The following LRP1B variants were observed in gnomAD, a reference collection of about 807,000 sequenced individuals.
LRP1B encodes the protein low-density lipoprotein receptor-related protein 1B.
Under a neutral mutation model 556.6 loss-of-function variants are expected in LRP1B, and 217 were observed. The observed-to-expected ratio is 0.39, with a 90% confidence interval of 0.35 to 0.44. The LOEUF (loss-of-function observed/expected upper bound fraction) is 0.44, where lower values mean the gene tolerates loss of function less well. Ranked by LOEUF, LRP1B falls within the 20% of genes least tolerant of loss-of-function variation. The pLI, the probability that LRP1B is intolerant of heterozygous loss-of-function variation, is 1.00. For missense variants in LRP1B, 5,053 were observed against 5,620.8 expected (o/e 0.90, Z 3.23); for synonymous variants, 2,047 against 1,865.8 (o/e 1.10, Z -2.50).
intron 3 of LRP1B, among the ~76,000 whole-genome samples, chr2:141,441,329 C>T (rs1320307321): frequency 4.6e-5 from 7 of 152,046 alleles, no homozygotes; most frequent in Admixed American, 3.3e-4. Context: ...CCACCCATCT[C>T]GGCCTCCCAA....
intron 86 of LRP1B, among the ~76,000 whole-genome samples, chr2:140,249,823 T>C (rs1681327586): frequency 6.6e-6 from 1 of 151,876 alleles, no homozygotes; most frequent in African/African-American, 2.4e-5. Context: ...GGTATTTTTG[T>C]CATCTTTATA....
rs149865018 is a variant in LRP1B, at chr2:141,836,922, G to A, written c.83-26521C>T. Among the ~76,000 whole-genome samples, 75 of 151,920 alleles carry A rather than the reference G, an allele frequency of 4.9e-4. No individual in the cohort carries two copies. In the Middle Eastern group the frequency reaches 0.014, roughly 28 times the overall value. ...TTTTTTTTCTAATTGGAACATTTAA[G>A]GATATAATTTGTACTTTGTGATTTT... is the stretch of plus-strand genomic sequence containing the variant. On this transcript the variant is annotated intron_variant, in intron 1 of 90. Coordinates refer to ENST00000389484, the MANE Select transcript of LRP1B (RefSeq NM_018557.3).
rs1008721584 is a variant in LRP1B, at chr2:141,741,034, G to A, written c.205+69245C>T. The stretch of plus-strand genomic sequence containing the variant: ...GAAAATGTGAAGCTTGTCTTTTTGC[G>A]CCTGCCTTATTTCACTTAACCTAAT... On this transcript the variant is annotated intron_variant, in intron 2 of 90. Coordinates refer to ENST00000389484, the MANE Select transcript of LRP1B (RefSeq NM_018557.3). Among the ~76,000 whole-genome samples, 19 of 152,062 alleles carry A rather than the reference G, an allele frequency of 1.2e-4. No individual in the cohort carries two copies. The East Asian group carries it at 2.1e-3, about 17-fold the overall frequency.
chr2:141,185,162 T>C (rs1027285070), intron 7 of LRP1B, among the ~76,000 whole-genome samples: 1 of 152,108 alleles, frequency 6.6e-6, no homozygotes, highest in Non-Finnish European at 1.5e-5. Flanking sequence ...TTTAATTCTT[T>C]CAACAGCCCT....
At chr2:140,746,034 AAATGAGG>A (rs58899001) in intron 35 of LRP1B, among the ~76,000 whole-genome samples, 53,310 of 151,580 alleles carry the variant, frequency 0.35, 9,453 homozygotes, top group South Asian at 0.49. Flanking sequence ...CAAATCCTTA[AAATGAGG>A]AATGAGGATG....
chr2:140,566,172 A>G (rs983366033), intron 43 of LRP1B, among the ~76,000 whole-genome samples: 2 of 152,150 alleles, frequency 1.3e-5, no homozygotes, highest in Non-Finnish European at 2.9e-5. Flanking sequence ...GTGTCCTGAC[A>G]TTCCCAAGCC....
intron 2 of LRP1B, among the ~76,000 whole-genome samples, chr2:141,613,423 C>T (rs751457888): frequency 4.2e-4 from 64 of 152,074 alleles, no homozygotes; most frequent in Non-Finnish European, 8.1e-4. Flanking sequence ...ATTTTCACAC[C>T]GCCACATGAA....
rs147347638 is a variant in LRP1B at position 141,188,518 on chromosome 2, G to A, written c.916C>T (p.Arg306Trp). The change falls in exon 7 of 91, where the codon CGG becomes TGG. Residue 306 changes from arginine to tryptophan, a missense_variant. This residue lies in a region of LRP1B where 3,619 missense variants were observed against 3,931.9 expected (regional missense o/e 0.92). Coordinates refer to ENST00000389484, the MANE Select transcript of LRP1B (RefSeq NM_018557.3). Reference sequence around the variant, plus strand: ...CCGTTGGAATTACAAACAAAGATCCGGTCACCGACATGGTCCACAAAATAG... The same window carrying A: ...CCGTTGGAATTACAAACAAAGATCCAGTCACCGACATGGTCCACAAAATAG... ...NLYFVDHVGDRIFVCNSNGSV... is the reference protein window; with the variant it reads ...NLYFVDHVGDWIFVCNSNGSV... 3.3e-5 allele frequency: 53 copies of A among 1,612,500 alleles called. No individual in the cohort carries two copies. Among genetic ancestry groups the A allele is most frequent in the East Asian group, 1.3e-4 (6 of 44,778 alleles).
chr2:141,980,699 C>A (rs957371700), intron 1 of LRP1B, among the ~76,000 whole-genome samples: 3 of 152,126 alleles, frequency 2.0e-5, no homozygotes, highest in African/African-American at 7.2e-5. Flanking sequence ...TTTCCCTGCA[C>A]TGTCCAATGT....
At chr2:140,922,234 A>G (rs1694756040) in intron 21 of LRP1B, among the ~76,000 whole-genome samples, 1 of 151,996 alleles carries the variant, frequency 6.6e-6, no homozygotes, top group African/African-American at 2.4e-5. Flanking sequence ...AGTAGAATAT[A>G]AGACATTCTA....
At chr2:140,854,012 C>G (rs1692537430) in intron 27 of LRP1B, among the ~76,000 whole-genome samples, 1 of 147,174 alleles carries the variant, frequency 6.8e-6, no homozygotes, top group African/African-American at 2.5e-5. Context: ...TCAAGTTTAC[C>G]TAGTCAGGTA....
intron 3 of LRP1B, among the ~76,000 whole-genome samples, chr2:141,279,915 A>G (rs900105557): frequency 6.6e-5 from 10 of 152,074 alleles, no homozygotes; most frequent in African/African-American, 2.4e-4. Context: ...ATAGAAAATC[A>G]GTTTCCATTA....
intron 60 of LRP1B, among the ~76,000 whole-genome samples, chr2:140,461,159 T>C (rs142738327): frequency 1.7e-3 from 257 of 152,214 alleles, no homozygotes; most frequent in Admixed American, 3.1e-3. Context: ...ACAGCTTGAA[T>C]ATACTCTATT....
chr2:142,103,462 T>A (rs1033058882), intron 1 of LRP1B, among the ~76,000 whole-genome samples: 5 of 151,984 alleles, frequency 3.3e-5, no homozygotes, highest in African/African-American at 4.8e-5. Flanking sequence ...TAATCACTTT[T>A]TCCTTAATAA....
At chr2:140,323,372 TTC>T (rs138875861) in intron 81 of LRP1B, among the ~76,000 whole-genome samples, 5,968 of 151,464 alleles carry the variant, frequency 0.039, 132 homozygotes, top group South Asian at 0.083. Flanking sequence ...TTGGGAAGAG[TTC>T]TTTTTGTATA....
chr2:141,893,210 AT>A (rs992978036), intron 1 of LRP1B, among the ~76,000 whole-genome samples: 1 of 151,964 alleles, frequency 6.6e-6, no homozygotes. Flanking sequence ...TGGACAGGTG[AT>A]TTTTTTGAGA....
intron 51 of LRP1B, among the ~76,000 whole-genome samples, chr2:140,514,182 C>T (rs1689782741): frequency 6.6e-6 from 1 of 151,946 alleles, no homozygotes. Context: ...AAAATAGCCA[C>T]TTTCCTTTAC....
At chr2:140,717,628 C>T (rs985649254) in intron 35 of LRP1B, among the ~76,000 whole-genome samples, 34 of 152,064 alleles carry the variant, frequency 2.2e-4, no homozygotes, top group African/African-American at 7.0e-4. Context: ...CAGAAAGACA[C>T]TGGGGAAGAA....
chr2:140,406,448 A>G (rs1171260220), intron 66 of LRP1B, among the ~76,000 whole-genome samples: 3 of 152,032 alleles, frequency 2.0e-5, no homozygotes, highest in Non-Finnish European at 2.9e-5. Context: ...GAAAACCCTA[A>G]AGACCCCACC....
Sources: gnomAD v4.1 joint callset for allele counts (sites outside exome capture counted in the v4.1 genomes callset) on GRCh38, gnomAD v4.1.1 for gene constraint, gnomAD v4.1.1 regional missense constraint, MANE v1.5 for transcripts, NCBI Gene and HGNC (gene_info 2026-07-23, HGNC 2026-07-21) for gene names.